Variants in ZFAT observed in about 807,000 individuals in gnomAD.
ZFAT encodes zinc finger protein ZFAT.
ZFAT carries 64 observed loss-of-function variants against 117.7 expected under a neutral mutation model. That is an observed-to-expected ratio of 0.54 (90% CI 0.44 to 0.67). The LOEUF (loss-of-function observed/expected upper bound fraction) is 0.67, where lower values mean the gene tolerates loss of function less well. ZFAT is among the 30% of genes least tolerant of loss of function. The pLI, the probability that ZFAT is intolerant of heterozygous loss-of-function variation, is 0.00. For missense variants in ZFAT, 1,433 were observed against 1,584.5 expected (o/e 0.90, Z 1.62); for synonymous variants, 679 against 615.0 (o/e 1.10, Z -1.54).
chr8:134,754,258 A>T, the ZFAT span, among the ~76,000 whole-genome samples: 2 of 152,240 alleles, frequency 1.3e-5, no homozygotes, highest in Admixed American at 6.5e-5. Context: ...GCCCGAGCAG[A>T]ACTATGTTTA....
intron 11 of ZFAT, among the ~76,000 whole-genome samples, chr8:134,550,310 G>GCAAAAAAAAAAA (rs567927266): frequency 1.4e-5 from 1 of 72,534 alleles, no homozygotes; most frequent in Non-Finnish European, 2.6e-5. Flanking sequence ...GGTCACAACG[G>GCAAAAAAAAAAA]AAAAAAAAAA....
chr8:134,701,457 G>A (rs1245843059), intron 1 of ZFAT, among the ~76,000 whole-genome samples: 1 of 152,188 alleles, frequency 6.6e-6, no homozygotes, highest in African/African-American at 2.4e-5. Flanking sequence ...TATGAATAAT[G>A]CTGTTATGAA....
chr8:134,665,967 C>A (rs1363781050), intron 1 of ZFAT, among the ~76,000 whole-genome samples: 1 of 152,172 alleles, frequency 6.6e-6, no homozygotes, highest in African/African-American at 2.4e-5. Context: ...TCAAAATACA[C>A]TACCTAACAG....
In ZFAT at chr8:134,630,671, A is replaced by G. The variant is rs561516813; in HGVS notation, c.448+6790T>C. ...TGACATATTGATTTCTGTAGGCTGC[A>G]AAACATTTTCAAAACACCAGCTGTT... On this transcript the variant is annotated intron_variant, in intron 3 of 15. Coordinates refer to ENST00000377838, the MANE Select transcript of ZFAT (RefSeq NM_020863.4). Among the ~76,000 whole-genome samples, 9 of 152,338 alleles carry G rather than the reference A, an allele frequency of 5.9e-5. No homozygotes were observed. The East Asian group carries it at 1.7e-3, about 29-fold the overall frequency.
chr8:134,653,419 G>GTTCT (rs1831398688), intron 2 of ZFAT, among the ~76,000 whole-genome samples: 1 of 51,338 alleles, frequency 1.9e-5, no homozygotes, highest in Admixed American at 2.8e-4. Context: ...CGTTTTATCT[G>GTTCT]TTTTTTTTTT....
At chr8:134,656,729 C>T (rs927483905) in intron 2 of ZFAT, among the ~76,000 whole-genome samples, 2 of 152,222 alleles carry the variant, frequency 1.3e-5, no homozygotes, top group Non-Finnish European at 1.5e-5. Context: ...CAATGGGACA[C>T]TGACTGCTAT....
In ZFAT at chr8:134,601,638, G is replaced by A; in HGVS notation, c.2081C>T (p.Thr694Ile). ...GCAAGAGTCAGGCTGATGTGTGATG[G>A]TGTCCCCACCACCAGCTACTGGAGG... The part of the protein sequence containing the change: ...LLPPVAGGGD[T>I]ITHQPDSCKA... Residue 694 changes from threonine (T) to isoleucine (I), a missense_variant, in exon 6 of 16, where the codon ACC becomes ATC. This residue lies in a region of ZFAT where 372 missense variants were observed against 355.6 expected (regional missense o/e 1.05). Coordinates refer to ENST00000377838, the MANE Select transcript of ZFAT (RefSeq NM_020863.4). 1 of 1,614,216 alleles carries A rather than the reference G, an allele frequency of 6.2e-7. No homozygotes were observed. Among genetic ancestry groups the A allele is most frequent in the Non-Finnish European group, 8.5e-7 (1 of 1,180,040 alleles).
chr8:134,487,754 G>C (rs1359273363), intron 15 of ZFAT, among the ~76,000 whole-genome samples: 1 of 152,142 alleles, frequency 6.6e-6, no homozygotes, highest in Non-Finnish European at 1.5e-5. Flanking sequence ...CCTCCAGGAA[G>C]CTCCGTCAGT....
At chr8:134,540,726 C>T (rs912188753) in intron 11 of ZFAT, among the ~76,000 whole-genome samples, 1 of 152,270 alleles carries the variant, frequency 6.6e-6, no homozygotes, top group Admixed American at 6.5e-5. Context: ...CTAACCATCA[C>T]TCTCATATGC....
At chr8:134,704,650 GAT>G (rs1235065461) in intron 1 of ZFAT, among the ~76,000 whole-genome samples, 1 of 152,188 alleles carries the variant, frequency 6.6e-6, no homozygotes, top group Non-Finnish European at 1.5e-5. Flanking sequence ...GTGTGGTACT[GAT>G]AAAGAATAAA....
intron 10 of ZFAT, among the ~76,000 whole-genome samples, chr8:134,577,795 G>C (rs1158245148): frequency 6.6e-6 from 1 of 152,170 alleles, no homozygotes; most frequent in Non-Finnish European, 1.5e-5. Context: ...TAAAAAACAT[G>C]AAAGAGAGTA....
chr8:134,675,664 A>G (rs1832763488), intron 1 of ZFAT, among the ~76,000 whole-genome samples: 1 of 152,168 alleles, frequency 6.6e-6, no homozygotes, highest in Admixed American at 6.6e-5. Flanking sequence ...CAAATTCACC[A>G]AGGTTGAAAT....
chr8:134,674,287 T>A (rs1315505791), intron 1 of ZFAT, among the ~76,000 whole-genome samples: 1 of 152,162 alleles, frequency 6.6e-6, no homozygotes, highest in Non-Finnish European at 1.5e-5. Flanking sequence ...ACCAGGAGAT[T>A]TTCTCTGGTG....
intron 1 of ZFAT, among the ~76,000 whole-genome samples, chr8:134,708,842 C>T (rs1041192689): frequency 1.7e-4 from 26 of 152,176 alleles, no homozygotes; most frequent in African/African-American, 6.3e-4. Context: ...ATCCCAGCTA[C>T]TTGGGAGGCT....
chr8:134,572,506 A>G (rs1277489811), intron 10 of ZFAT, among the ~76,000 whole-genome samples: 1 of 152,202 alleles, frequency 6.6e-6, no homozygotes, highest in Non-Finnish European at 1.5e-5. Flanking sequence ...GTCTTTTAAA[A>G]AACAGCCCCC....
At chr8:134,626,843 T>C (rs7828713) in intron 3 of ZFAT, among the ~76,000 whole-genome samples, 9,094 of 152,308 alleles carry the variant, frequency 0.06, 944 homozygotes, top group African/African-American at 0.21. Context: ...ATCTGAACTA[T>C]GTAAAGTATA....
At chr8:134,672,138 A>C (rs1481279230) in intron 1 of ZFAT, among the ~76,000 whole-genome samples, 1 of 152,296 alleles carries the variant, frequency 6.6e-6, no homozygotes, top group East Asian at 1.9e-4. Context: ...TTCCATGTTC[A>C]TGGATAGGAA....
chr8:134,765,642 G>T, the ZFAT span: 1 of 152,028 alleles, frequency 6.6e-6, no homozygotes, highest in Admixed American at 6.6e-5. Flanking sequence ...AATTGGAAGT[G>T]AGTTATAACG....
intron 15 of ZFAT, among the ~76,000 whole-genome samples, chr8:134,490,736 G>C (rs962357838): frequency 6.6e-6 from 1 of 152,198 alleles, no homozygotes; most frequent in Admixed American, 6.5e-5. Context: ...TAACAGGAGA[G>C]TCTGCCCTTT....
Sources: allele counts gnomAD v4.1 joint callset (sites outside exome capture counted in the v4.1 genomes callset), GRCh38; gene constraint gnomAD v4.1.1; regional missense constraint gnomAD v4.1.1; transcripts MANE v1.5; gene names NCBI Gene and HGNC (gene_info 2026-07-23, HGNC 2026-07-21).